SENP6: variants seen among roughly 807,000 people sequenced by gnomAD.
SENP6 encodes the protein sentrin-specific protease 6.
Under a neutral mutation model 134.5 loss-of-function variants are expected in SENP6, and 41 were observed. The ratio of observed to expected loss-of-function variants is 0.30; its 90% CI spans 0.24 to 0.40. SENP6 has a LOEUF of 0.40. SENP6 is among the 10% of genes least tolerant of loss of function. The pLI is 1.00. For missense variants in SENP6, 1,248 were observed against 1,312.5 expected (o/e 0.95, Z 0.76); for synonymous variants, 395 against 429.8 (o/e 0.92, Z 1.00).
intron 5 of SENP6, among the ~76,000 whole-genome samples, chr6:75,639,603 C>A (rs1375873702): frequency 1.3e-5 from 2 of 151,968 alleles, no homozygotes; most frequent in Non-Finnish European, 2.9e-5. Context: ...TAATATTAGA[C>A]ATGAATCTCA....
chr6:75,663,826 G>C (rs1251560232), intron 9 of SENP6, among the ~76,000 whole-genome samples: 4 of 148,920 alleles, frequency 2.7e-5, no homozygotes, highest in African/African-American at 9.9e-5. Flanking sequence ...TTTTGTGGGG[G>C]GGGGGGTGCC....
chr6:75,624,343 T>G (rs916196350), intron 3 of SENP6, among the ~76,000 whole-genome samples: 2 of 152,214 alleles, frequency 1.3e-5, no homozygotes, highest in Admixed American at 6.5e-5. Flanking sequence ...TTTACAGAGT[T>G]GTCAACTTTT....
intron 1 of SENP6, among the ~76,000 whole-genome samples, chr6:75,613,303 T>TA (rs1305568155): frequency 6.6e-6 from 1 of 152,170 alleles, no homozygotes; most frequent in African/African-American, 2.4e-5. Flanking sequence ...AATAAAGTTT[T>TA]ATTGCAACAC....
chr6:75,605,898 G>A (rs1486736758), intron 1 of SENP6, among the ~76,000 whole-genome samples: 1 of 152,150 alleles, frequency 6.6e-6, no homozygotes, highest in Non-Finnish European at 1.5e-5. Context: ...GAAGTGGTCG[G>A]GGCTTCAATT....
At position 75,602,384 on chromosome 6, in the gene SENP6, G is replaced by C; in HGVS notation, c.-141G>C. 16 of 964,880 alleles carry C rather than the reference G, an allele frequency of 1.7e-5. No homozygotes were observed. Among genetic ancestry groups the C allele is most frequent in the Non-Finnish European group, 2.5e-5 (16 of 647,224 alleles). 59.8% of individuals were successfully genotyped at this position (964,880 alleles called of 1,614,324 possible). A position where few individuals can be genotyped will look rare whatever the true frequency, so the allele number is the denominator to read the frequency against. ...CTTTGTATAGGCCCGTCTGAACGTG[G>C]GAGCGCAGCCCGCCTGACGGCTGAG... On this transcript the variant is annotated 5_prime_UTR_variant, in exon 1 of 24. Coordinates refer to ENST00000447266, the MANE Select transcript of SENP6 (RefSeq NM_015571.4).
chr6:75,614,038 A>T (rs1266145355), intron 1 of SENP6, among the ~76,000 whole-genome samples: 1 of 152,138 alleles, frequency 6.6e-6, no homozygotes, highest in Non-Finnish European at 1.5e-5. Context: ...GTTATTTTGT[A>T]GTTTAATCCC....
At chr6:75,609,065 G>A (rs957451298) in intron 1 of SENP6, among the ~76,000 whole-genome samples, 1 of 152,160 alleles carries the variant, frequency 6.6e-6, no homozygotes, top group Non-Finnish European at 1.5e-5. Flanking sequence ...TATTAGAAAA[G>A]TATGTTGAAT....
chr6:75,652,700 A>AAAAAAAAAAAAAAAG (rs1770988463), intron 7 of SENP6, among the ~76,000 whole-genome samples: 1 of 149,552 alleles, frequency 6.7e-6, no homozygotes, highest in African/African-American at 2.5e-5. Context: ...AAAAAAAAAA[A>AAAAAAAAAAAAAAAG]AAAGAAAAAG....
rs1488549167 is a variant in SENP6 at position 75,708,008 on chromosome 6, C to A, written c.2717-1519C>A. 2.0e-5 allele frequency among the ~76,000 whole-genome samples: 3 copies of A among 152,198 alleles called. No homozygotes were observed. In the East Asian group the frequency reaches 5.8e-4, roughly 29 times the overall value. On this transcript the variant is annotated intron_variant, in intron 19 of 23. Transcript: ENST00000447266. ...GCCCCATAGTGCTTCATTGGTTTAT[C>A]GGTTATTTTAAATAGTGTGCTTCTG...
rs1465958325 is a variant in SENP6 at position 75,634,884 on chromosome 6, A to ATT, written c.458+79_458+80dup. On this transcript the variant is annotated intron_variant, in intron 5 of 23. Transcript: ENST00000447266. Reference sequence around the variant, plus strand: ...CAATAGGTTTTCACTTTTTTTAACCATTTTTTTCCTTTGTGAAACCTTACT... The same window carrying ATT: ...CAATAGGTTTTCACTTTTTTTAACCATTTTTTTTTCCTTTGTGAAACCTTACT... 7.2e-6 allele frequency: 7 copies of ATT among 969,644 alleles called. No homozygotes were observed. The East Asian group carries it at 1.2e-4, about 17-fold the overall frequency. 60.1% of individuals were successfully genotyped at this position (969,644 alleles called of 1,614,324 possible). A position where few individuals can be genotyped will look rare whatever the true frequency, so the allele number is the denominator to read the frequency against.
At chr6:75,621,465 G>T in intron 1 of SENP6, 67 bp from the exon 2 acceptor site, 1 of 928,832 alleles carries the variant, frequency 1.1e-6, no homozygotes, top group Non-Finnish European at 1.7e-6. Context: ...CTTGGGAAAT[G>T]CACATATTTG....
At position 75,602,417 on chromosome 6, in the gene SENP6, C is replaced by A; in HGVS notation, c.-108C>A. ...GCCCGCCTGACGGCTGAGCCCGAGGCCCGCAACCCTGCGGCGTCTACCCTC... is the reference window on the plus strand; with the variant it reads ...GCCCGCCTGACGGCTGAGCCCGAGGACCGCAACCCTGCGGCGTCTACCCTC... On this transcript the variant is annotated 5_prime_UTR_variant, in exon 1 of 24. Coordinates refer to ENST00000447266, the MANE Select transcript of SENP6 (RefSeq NM_015571.4). The A allele has an allele frequency of 7.6e-7, 1 of 1,315,454 alleles. No homozygotes were observed. Among genetic ancestry groups the A allele is most frequent in the Middle Eastern group, 2.5e-4 (1 of 3,936 alleles). 81.5% of individuals were successfully genotyped at this position (1,315,454 alleles called of 1,614,324 possible).
intron 16 of SENP6, among the ~76,000 whole-genome samples, chr6:75,693,150 A>C (rs1404898375): frequency 2.6e-5 from 4 of 152,160 alleles, no homozygotes; most frequent in Non-Finnish European, 5.9e-5. Flanking sequence ...CTATAATCCC[A>C]GCATTTTGGG....
intron 6 of SENP6, among the ~76,000 whole-genome samples, chr6:75,642,823 A>G (rs551724643): frequency 6.6e-6 from 1 of 152,336 alleles, no homozygotes; most frequent in Non-Finnish European, 1.5e-5. Context: ...GTTCCTCTCT[A>G]AATGGAGGTG....
chr6:75,706,570 A>G lies in SENP6; in HGVS notation c.2717-2957A>G, dbSNP rs79221419. On this transcript the variant is annotated intron_variant, in intron 19 of 23. Coordinates refer to ENST00000447266, the MANE Select transcript of SENP6 (RefSeq NM_015571.4). ...TGAGTAAATAGCCTCAAAAATCCTA[A>G]TGGAGACCAAAGCCAAAAATAACTT... 7.5e-4 allele frequency among the ~76,000 whole-genome samples: 115 copies of G among 152,338 alleles called. 1 individual carries two copies. In the East Asian group the frequency reaches 0.02, roughly 26 times the overall value.
chr6:75,646,636 A>T, intron 6 of SENP6: 1 of 152,418 alleles, frequency 6.6e-6, no homozygotes. Flanking sequence ...GGAGATCAAG[A>T]CCATCCTGGC....
At chr6:75,644,475 C>CTTTTTTTTTTTTTTTT (rs71002753) in intron 6 of SENP6, among the ~76,000 whole-genome samples, 4 of 143,502 alleles carry the variant, frequency 2.8e-5, no homozygotes, top group Middle Eastern at 3.7e-3. Context: ...TTCTTTCTTT[C>CTTTTTTTTTTTTTTTT]TTTTTTTTTT....
chr6:75,695,731 T>C, intron 16 of SENP6, 73 bp from the exon 17 acceptor site: 1 of 1,280,244 alleles, frequency 7.8e-7, no homozygotes, highest in Non-Finnish European at 1.1e-6. Flanking sequence ...AGTGAGACTC[T>C]GTCTCAAAAA....
At chr6:75,679,900 A>T (rs1474183044) in intron 16 of SENP6, 1 of 152,298 alleles carries the variant, frequency 6.6e-6, no homozygotes, top group Non-Finnish European at 1.5e-5. Flanking sequence ...TTTATAGCCT[A>T]TTGGTGGTTG....
Sources: gnomAD v4.1 joint callset for allele counts (sites outside exome capture counted in the v4.1 genomes callset) on GRCh38, gnomAD v4.1.1 for gene constraint, MANE v1.5 for transcripts, NCBI Gene and HGNC (gene_info 2026-07-23, HGNC 2026-07-21) for gene names.